The following DCBLD1 variants were observed in gnomAD, a reference collection of about 807,000 sequenced individuals.
DCBLD1 encodes discoidin, CUB and LCCL domain-containing protein 1.
A neutral mutation model predicts 71.5 loss-of-function variants in DCBLD1; 57 were observed. That is an observed-to-expected ratio of 0.80 (90% confidence interval 0.64 to 0.99). The LOEUF (loss-of-function observed/expected upper bound fraction) is 0.99. Ranked by LOEUF, DCBLD1 falls within the 50% of genes least tolerant of loss-of-function variation. The pLI, the probability that DCBLD1 is intolerant of heterozygous loss-of-function variation, is 0.00. For synonymous variants in DCBLD1, 380 were observed against 363.8 expected, an observed-to-expected ratio of 1.04 and a Z score of -0.51; for missense variants, 891 against 923.5, an observed-to-expected ratio of 0.96 and a Z score of 0.46.
At chr6:117,547,858 C>T in intron 14 of DCBLD1, 49 bp from the exon 15 acceptor site, 1 of 1,549,884 alleles carries the variant, frequency 6.5e-7, no homozygotes, top group Middle Eastern at 1.7e-4. Context: ...CACTGACAGG[C>T]CGGCCCGTGT....
chr6:117,504,074 A>C (rs1777757221), intron 2 of DCBLD1, 95 bp downstream of exon 2: 1 of 1,312,608 alleles, frequency 7.6e-7, no homozygotes. Context: ...TATCATGAGA[A>C]GATTAGAAGA....
At chr6:117,503,430 T>G in intron 1 of DCBLD1, 1 of 266,030 alleles carries the variant, frequency 3.8e-6, no homozygotes. Context: ...ACATTTGGCT[T>G]GGCAAATGCA....
chr6:117,541,969 AT>A (rs2114556636), intron 11 of DCBLD1, among the ~76,000 whole-genome samples: 1 of 152,248 alleles, frequency 6.6e-6, no homozygotes, highest in East Asian at 1.9e-4. Context: ...GCTTTAAGTT[AT>A]TTGATTTTCC....
At chr6:117,501,114 T>C (rs2114414636) in intron 1 of DCBLD1, among the ~76,000 whole-genome samples, 1 of 152,306 alleles carries the variant, frequency 6.6e-6, no homozygotes, top group East Asian at 1.9e-4. Context: ...GGTTGTGTTG[T>C]GTTTATATTG....
intron 11 of DCBLD1, among the ~76,000 whole-genome samples, chr6:117,542,692 G>C (rs1367121292): frequency 6.6e-6 from 1 of 151,868 alleles, no homozygotes; most frequent in African/African-American, 2.4e-5. Context: ...TATGGTACAG[G>C]TCCAAACCCG....
rs1390515627 is a variant in DCBLD1, at chr6:117,488,152, CTCT to C, written c.112+5264_112+5266del. Among the ~76,000 whole-genome samples, 6 of 152,232 alleles carry C rather than the reference CTCT, an allele frequency of 3.9e-5. 1 individual carries two copies. The highest frequency in any genetic ancestry group is 2.0e-4 in the Admixed American group (3 of 15,290). ...CATGAAAGCAGAGATGAATCTCAGC[CTCT>C]TCTTTCACCGCTAGCACCCAGTACG... is the stretch of plus-strand genomic sequence containing the variant. On this transcript the variant is annotated intron_variant, in intron 1 of 14. Coordinates refer to ENST00000338728, the MANE Select transcript of DCBLD1 (RefSeq NM_001366458.2).
At chr6:117,510,112 C>T (rs897311816) in intron 2 of DCBLD1, among the ~76,000 whole-genome samples, 7 of 152,062 alleles carry the variant, frequency 4.6e-5, no homozygotes. Context: ...TAATTGTGCC[C>T]CACTTCTACA....
At chr6:117,559,052 T>A (rs796269610) in intron 14 of DCBLD1, among the ~76,000 whole-genome samples, 10 of 152,300 alleles carry the variant, frequency 6.6e-5, no homozygotes, top group African/African-American at 2.4e-4. Flanking sequence ...TGAGCCATGA[T>A]TTTGTGCCAA....
intron 14 of DCBLD1, among the ~76,000 whole-genome samples, chr6:117,555,254 T>C (rs1249656571): frequency 1.3e-5 from 2 of 152,252 alleles, no homozygotes; most frequent in African/African-American, 4.8e-5. Context: ...CCTTTTAGTT[T>C]TCTCTTTTAT....
chr6:117,520,790 C>T (rs1252183290), intron 3 of DCBLD1, among the ~76,000 whole-genome samples: 4 of 152,168 alleles, frequency 2.6e-5, no homozygotes, highest in Non-Finnish European at 5.9e-5. Context: ...CAGAAAAGCT[C>T]TGGGAGTGAG....
intron 14 of DCBLD1, chr6:117,563,150 CAACA>C (rs1314686760): frequency 4.7e-6 from 5 of 1,061,958 alleles, no homozygotes; most frequent in African/African-American, 1.6e-5. Context: ...TTCATTTAGG[CAACA>C]AACAGCCTCC....
chr6:117,483,197 T>C (rs1266584754), intron 1 of DCBLD1, among the ~76,000 whole-genome samples: 3 of 152,140 alleles, frequency 2.0e-5, no homozygotes, highest in Non-Finnish European at 4.4e-5. Flanking sequence ...CCCATTTCAC[T>C]TAGTTTCCAG....
At chr6:117,545,085 G>A (rs1779222449) in intron 13 of DCBLD1, among the ~76,000 whole-genome samples, 1 of 151,536 alleles carries the variant, frequency 6.6e-6, no homozygotes, top group Non-Finnish European at 1.5e-5. Flanking sequence ...AGAGGGCAGT[G>A]GGGCAGGACC....
chr6:117,532,241 T>G lies in DCBLD1; in HGVS notation c.586-19T>G. The G allele has an allele frequency of 1.3e-6, 2 of 1,578,336 alleles. No homozygotes were observed. Among genetic ancestry groups the G allele is most frequent in the Non-Finnish European group, 1.7e-6 (2 of 1,168,820 alleles). ...CTGTGTTCTTTTAAGTTCTGCATAA[T>G]GATGTTGCTGTGTTTCAGACCTCTT... On this transcript the variant is annotated intron_variant, in intron 5 of 14. Coordinates refer to ENST00000338728, the MANE Select transcript of DCBLD1 (RefSeq NM_001366458.2).
intron 1 of DCBLD1, among the ~76,000 whole-genome samples, chr6:117,492,456 C>T (rs1045786871): frequency 5.9e-5 from 9 of 152,094 alleles, no homozygotes; most frequent in African/African-American, 1.7e-4. Flanking sequence ...CAAGGATACC[C>T]ATCATATGTT....
intron 2 of DCBLD1, among the ~76,000 whole-genome samples, chr6:117,511,700 GT>G (rs1415183225): frequency 6.6e-6 from 1 of 152,198 alleles, no homozygotes; most frequent in Non-Finnish European, 1.5e-5. Context: ...ATCTGTTGAA[GT>G]TTTTTAAATC....
In DCBLD1 at chr6:117,540,932, G is replaced by A. The variant is rs1198542008; in HGVS notation, c.1264G>A (p.Val422Met). 2.5e-6 allele frequency: 4 copies of A among 1,614,008 alleles called. No individual in the cohort carries two copies. The South Asian group carries it at 4.4e-5, about 18-fold the overall frequency. Residue 422 changes from valine (V) to methionine (M), a missense_variant, in exon 11 of 15, where the codon GTG becomes ATG. Physicochemically the swap from Val to Met is conservative, Grantham distance 21. Coordinates refer to ENST00000338728, the MANE Select transcript of DCBLD1 (RefSeq NM_001366458.2). Reference sequence around the variant, plus strand: ...TCCTCTCTCAGGTAATGATTCATTGGTGTGGCGCAAGACAAGTCAAAGCAC... The same window carrying A: ...TCCTCTCTCAGGTAATGATTCATTGATGTGGCGCAAGACAAGTCAAAGCAC... The part of the protein sequence containing the change: ...CQITQGNDSL[V>M]WRKTSQSTSV...
At chr6:117,545,177 A>C (rs1261631597) in intron 13 of DCBLD1, among the ~76,000 whole-genome samples, 1 of 151,956 alleles carries the variant, frequency 6.6e-6, no homozygotes, top group African/African-American at 2.4e-5. Flanking sequence ...TGCCTCACAG[A>C]TGCCATGCCA....
Position 117,567,555 on chromosome 6 carries a change from G to C in DCBLD1, c.1616-2065G>C, listed in dbSNP as rs1220909143. Among the ~76,000 whole-genome samples, 3 of 151,818 alleles carry C rather than the reference G, an allele frequency of 2.0e-5. No homozygotes were observed. The South Asian group carries it at 6.2e-4, about 31-fold the overall frequency. ...AGAAACTCCTACAAAATGATTTTTT[G>C]TTTCTTATTCAATAGGTCTTGAGTA... On this transcript the variant is annotated intron_variant, in intron 14 of 14. Coordinates refer to the DCBLD1 transcript ENST00000296955.
Sources: gnomAD v4.1 joint callset for allele counts (sites outside exome capture counted in the v4.1 genomes callset) on GRCh38, gnomAD v4.1.1 for gene constraint, MANE v1.5 for transcripts, NCBI Gene and HGNC (gene_info 2026-07-23, HGNC 2026-07-21) for gene names.